Variants in CLTA observed in about 807,000 individuals in gnomAD.
CLTA encodes the protein clathrin light chain A, also known as clathrin, light polypeptide (Lca).
In CLTA, 9 loss-of-function variants were observed where a neutral mutation model predicts 26.9. The observed-to-expected ratio is 0.33, with a 90% CI of 0.20 to 0.58. The LOEUF (loss-of-function observed/expected upper bound fraction) is 0.58. CLTA is among the 20% of genes least tolerant of loss of function. CLTA has a pLI of 0.85. For synonymous variants in CLTA, 120 were observed against 115.5 expected, an observed-to-expected ratio of 1.04 and a Z score of -0.25; for missense variants, 278 against 294.2, an observed-to-expected ratio of 0.94 and a Z score of 0.40.
Position 36,191,110 on chromosome 9 carries a change from G to C in CLTA, c.54G>C (p.Ala18=). Residue 18 remains alanine (A), a synonymous_variant, in exon 1 of 5, where the codon GCG becomes GCC. Transcript: ENST00000345519. ...CTGCCGGCGCCCCTGGCGGTCCCGC[G>C]CTGGGGAACGGAGTGGCCGGCGCCG... The part of the protein sequence containing the change: ...GAPAGAPGGP[A]LGNGVAGAGE... 1 of 1,599,328 alleles carries C rather than the reference G, an allele frequency of 6.3e-7. No individual in the cohort carries two copies. Among genetic ancestry groups the C allele is most frequent in the African/African-American group, 1.3e-5 (1 of 74,180 alleles).
Position 36,199,024 on chromosome 9 carries a change from G to C in CLTA, c.301G>C (p.Asp101His). The C allele has an allele frequency of 6.2e-7, 1 of 1,614,042 alleles. No homozygotes were observed. Among genetic ancestry groups the C allele is most frequent in the Non-Finnish European group, 8.5e-7 (1 of 1,179,918 alleles). The change falls in exon 3 of 5, where the codon GAT (aspartate) becomes CAT (histidine). Residue 101 changes from aspartate (D) to histidine (H), a missense_variant. Transcript: ENST00000345519. Reference sequence around the variant, plus strand: ...CAGTTATGCAGCTATTTCACAAGTGGATCGATTGCAGTCAGAGCCTGAAAG... The same window carrying C: ...CAGTTATGCAGCTATTTCACAAGTGCATCGATTGCAGTCAGAGCCTGAAAG... ...TDSYAAISQV[D>H]RLQSEPESIR...
At chr9:36,210,782 C>T in intron 4 of CLTA, 1 of 1,086,626 alleles carries the variant, frequency 9.2e-7, no homozygotes, top group Non-Finnish European at 1.4e-6. Context: ...CCCCTCCGTC[C>T]CCACAGACCA....
chr9:36,195,961 C>G (rs1406711707), intron 1 of CLTA, among the ~76,000 whole-genome samples: 1 of 150,814 alleles, frequency 6.6e-6, no homozygotes, highest in Non-Finnish European at 1.5e-5. Context: ...GCGTGAGACT[C>G]CGTCTCAAAA....
chr9:36,197,601 C>G lies in CLTA; in HGVS notation c.255+13C>G. 2 of 1,584,304 alleles carry G rather than the reference C, an allele frequency of 1.3e-6. No homozygotes were observed. Among genetic ancestry groups the G allele is most frequent in the East Asian group, 2.2e-5 (1 of 44,574 alleles). ...TGAATACTACCAGGTACAGAGTACT[C>G]TGATTCTGTTCATTGATAGTGATTG... On this transcript the variant is annotated intron_variant, in intron 2 of 4. Transcript: ENST00000345519.
At chr9:36,196,047 G>C (rs1388138981) in intron 1 of CLTA, among the ~76,000 whole-genome samples, 1 of 152,100 alleles carries the variant, frequency 6.6e-6, no homozygotes, top group Non-Finnish European at 1.5e-5. Context: ...AGGCTGAGGT[G>C]GGTGGATCGT....
chr9:36,192,588 C>A (rs1350352659), intron 1 of CLTA, among the ~76,000 whole-genome samples: 2 of 152,092 alleles, frequency 1.3e-5, no homozygotes, highest in African/African-American at 4.8e-5. Flanking sequence ...TGAAGTTGGC[C>A]TTAAGTGATT....
At chr9:36,191,848 G>A (rs1395487627) in intron 1 of CLTA, among the ~76,000 whole-genome samples, 2 of 152,212 alleles carry the variant, frequency 1.3e-5, no homozygotes, top group African/African-American at 4.8e-5. Context: ...TGCCAAGCGC[G>A]GTAGGAGTTT....
intron 1 of CLTA, 33 bp downstream of exon 1, chr9:36,191,306 C>G: frequency 6.8e-7 from 1 of 1,480,530 alleles, no homozygotes; most frequent in Non-Finnish European, 8.9e-7. Context: ...GGCGAGAGGA[C>G]TTGTCTGGAA....
rs1261380201 is a variant in CLTA at position 36,190,932 on chromosome 9, G to A, written c.-125G>A. 2 of 1,412,400 alleles carry A rather than the reference G, an allele frequency of 1.4e-6. No individual in the cohort carries two copies. The highest frequency in any genetic ancestry group is 1.5e-5 in the South Asian group (1 of 65,090). The allele number at this position is 1,412,400 out of a possible 1,614,324, so 87.5% of individuals were successfully genotyped here. A position where few individuals can be genotyped will look rare whatever the true frequency, so the allele number is the denominator to read the frequency against. On this transcript the variant is annotated 5_prime_UTR_variant, in exon 1 of 5. Transcript: ENST00000345519. Reference sequence around the variant, plus strand: ...CACGGGTAGGGCTTCCGCTTTACCCGTCTCCCTCCTGGCGCTTGTCCTCCT... The same window carrying A: ...CACGGGTAGGGCTTCCGCTTTACCCATCTCCCTCCTGGCGCTTGTCCTCCT...
chr9:36,199,133 A>AG, intron 3 of CLTA, 37 bp downstream of exon 3: 1 of 1,310,832 alleles, frequency 7.6e-7, no homozygotes, highest in Admixed American at 1.7e-5. Context: ...GTCTGTTTTC[A>AG]GTGGAGTAGT....
chr9:36,195,693 G>A (rs1044135824), intron 1 of CLTA, among the ~76,000 whole-genome samples: 3 of 152,220 alleles, frequency 2.0e-5, no homozygotes, highest in African/African-American at 7.2e-5. Context: ...TGGGCCAGGT[G>A]CGGTGGCTCA....
At chr9:36,198,095 C>G (rs1827161208) in intron 2 of CLTA, among the ~76,000 whole-genome samples, 1 of 143,888 alleles carries the variant, frequency 6.9e-6, no homozygotes, top group Non-Finnish European at 1.5e-5. Context: ...CTTCTGGGTT[C>G]AAGCGATTCA....
intron 2 of CLTA, among the ~76,000 whole-genome samples, chr9:36,198,702 GAAAAAA>G (rs546254007): frequency 9.1e-5 from 6 of 66,278 alleles, no homozygotes; most frequent in Non-Finnish European, 1.5e-4. Context: ...CCCCACCCCA[GAAAAAA>G]AAAAAAAAAA....
chr9:36,210,493 C>CT (rs1827978589), intron 4 of CLTA: 1 of 1,448,088 alleles, frequency 6.9e-7, no homozygotes, highest in Non-Finnish European at 9.4e-7. Context: ...GCAAAGCCAG[C>CT]TGCACGTCCC....
intron 1 of CLTA, among the ~76,000 whole-genome samples, chr9:36,193,317 C>G (rs1211959158): frequency 7.3e-6 from 1 of 137,558 alleles, no homozygotes; most frequent in Admixed American, 7.3e-5. Flanking sequence ...CTTTTTCCTT[C>G]TTTTTTTTTT....
chr9:36,196,152 C>T (rs917895087), intron 1 of CLTA, among the ~76,000 whole-genome samples: 8 of 150,684 alleles, frequency 5.3e-5, no homozygotes, highest in Admixed American at 2.0e-4. Flanking sequence ...TGATAGCTCA[C>T]GCCTGTAGTC....
chr9:36,199,591 C>T lies in CLTA; in HGVS notation c.373+495C>T, dbSNP rs1197840197. ...TCAGCCTCCTGAGTAGCTGGGTCTA[C>T]AGGCGCCCGCCACTACGTCCCGCTC... On this transcript the variant is annotated intron_variant, in intron 3 of 4. Coordinates refer to ENST00000345519, the MANE Select transcript of CLTA (RefSeq NM_001833.4). Among the ~76,000 whole-genome samples, 3 of 150,144 alleles carry T rather than the reference C, an allele frequency of 2.0e-5. No homozygotes were observed. The East Asian group carries it at 5.9e-4, about 29-fold the overall frequency.
At position 36,211,596 on chromosome 9, in the gene CLTA, C is replaced by T. The variant is rs773325691; in HGVS notation, c.486-7C>T. On this transcript the variant is annotated splice_polypyrimidine_tract_variant and splice_region_variant and intron_variant, in intron 4 of 4. Transcript: ENST00000345519. Reference sequence around the variant, plus strand: ...CATAAACCAACATATTTTGTTGTTGCTTCCAGGGCAGCAGAAGAAGCCTTT... The same window carrying T: ...CATAAACCAACATATTTTGTTGTTGTTTCCAGGGCAGCAGAAGAAGCCTTT... 1.2e-6 allele frequency: 2 copies of T among 1,604,732 alleles called. No individual in the cohort carries two copies. The highest frequency in any genetic ancestry group is 2.7e-5 in the African/African-American group (2 of 74,716).
At chr9:36,198,346 T>C (rs2132880203) in intron 2 of CLTA, among the ~76,000 whole-genome samples, 1 of 150,232 alleles carries the variant, frequency 6.7e-6, no homozygotes, top group African/African-American at 2.4e-5. Context: ...CTAACAACAA[T>C]GGCGGCTTTT....
Sources: allele counts gnomAD v4.1 joint callset (sites outside exome capture counted in the v4.1 genomes callset), GRCh38; gene constraint gnomAD v4.1.1; transcripts MANE v1.5; gene names NCBI Gene and HGNC (gene_info 2026-07-23, HGNC 2026-07-21).